Variants in SMYD3 observed in about 807,000 individuals in gnomAD.
SMYD3 encodes SET and MYND domain containing 3, also known as histone-lysine N-methyltransferase SMYD3.
A neutral mutation model predicts 57.7 loss-of-function variants in SMYD3; 36 were observed. The ratio of observed to expected loss-of-function variants is 0.62; its 90% CI spans 0.48 to 0.82. The LOEUF is 0.82. SMYD3 is among the 40% of genes least tolerant of loss of function. The pLI is 0.00. For missense variants in SMYD3, 515 were observed against 538.8 expected (o/e 0.96, Z 0.44); for synonymous variants, 211 against 195.0 (o/e 1.08, Z -0.68).
intron 1 of SMYD3, among the ~76,000 whole-genome samples, chr1:246,454,339 G>A (rs916861186): frequency 6.6e-6 from 1 of 152,064 alleles, no homozygotes; most frequent in Non-Finnish European, 1.5e-5. Flanking sequence ...TAAAATGTGA[G>A]GTATGATTCC....
intron 5 of SMYD3, among the ~76,000 whole-genome samples, chr1:246,018,833 T>TGCTCAAGCAATCCTCCTGC (rs2059421972): frequency 6.6e-6 from 1 of 151,784 alleles, no homozygotes; most frequent in Admixed American, 6.6e-5. Context: ...CAAACTCCTG[T>TGCTCAAGCAATCCTCCTGC]GCTCAAGCAA....
At position 246,247,414 on chromosome 1, in the gene SMYD3, T is replaced by TTAAACC. The variant is rs1312887884; in HGVS notation, c.531+79786_531+79787insGGTTTA. 2.7e-5 allele frequency among the ~76,000 whole-genome samples: 4 copies of TTAAACC among 150,340 alleles called. No individual in the cohort carries two copies. The East Asian group carries it at 8.0e-4, about 30-fold the overall frequency. On this transcript the variant is annotated intron_variant, in intron 5 of 11. Transcript: ENST00000490107. ...AGACTACCAGGACAGATTTTGCCTC[T>TTAAACC]AGCACTGTGGTTTAAGAAAGAGAAG...
chr1:246,429,084 C>T (rs780445326), intron 1 of SMYD3, among the ~76,000 whole-genome samples: 12 of 145,670 alleles, frequency 8.2e-5, no homozygotes, highest in South Asian at 4.4e-4. Context: ...AACCAACCAC[C>T]GTAGACAGGG....
chr1:246,351,528 T>C (rs1175443057), intron 2 of SMYD3, among the ~76,000 whole-genome samples: 1 of 152,220 alleles, frequency 6.6e-6, no homozygotes, highest in Non-Finnish European at 1.5e-5. Context: ...TATGAAATTA[T>C]ATGATAGACA....
At chr1:246,051,455 G>A (rs1185736617) in intron 5 of SMYD3, among the ~76,000 whole-genome samples, 3 of 151,928 alleles carry the variant, frequency 2.0e-5, no homozygotes, top group African/African-American at 7.2e-5. Context: ...ACAGACTAGG[G>A]AGTAACACAG....
At chr1:246,356,456 T>A (rs2065911707) in intron 1 of SMYD3, among the ~76,000 whole-genome samples, 1 of 151,992 alleles carries the variant, frequency 6.6e-6, no homozygotes, top group Admixed American at 6.6e-5. Context: ...ATATCCGGAT[T>A]GCAAGAAAAA....
chr1:246,478,138 C>T (rs143915342), intron 1 of SMYD3, among the ~76,000 whole-genome samples: 87 of 152,246 alleles, frequency 5.7e-4, no homozygotes, highest in East Asian at 5.6e-3. Flanking sequence ...CATTATGACA[C>T]GATCAAGACT....
chr1:246,413,873 T>C (rs940669438), intron 1 of SMYD3, among the ~76,000 whole-genome samples: 2 of 152,230 alleles, frequency 1.3e-5, no homozygotes, highest in Admixed American at 6.5e-5. Flanking sequence ...AGCAGCCTAA[T>C]ACAATGCACT....
chr1:246,473,674 T>C (rs1332338960), intron 1 of SMYD3, among the ~76,000 whole-genome samples: 1 of 152,208 alleles, frequency 6.6e-6, no homozygotes, highest in Non-Finnish European at 1.5e-5. Context: ...GACATATTGT[T>C]ATTATTATGA....
At chr1:246,431,037 A>C (rs922649709) in intron 1 of SMYD3, among the ~76,000 whole-genome samples, 1 of 152,198 alleles carries the variant, frequency 6.6e-6, no homozygotes, top group Admixed American at 6.5e-5. Context: ...AAAGCAGTAC[A>C]CATGGACTAG....
At chr1:245,824,752 C>T (rs569537940) in intron 10 of SMYD3, among the ~76,000 whole-genome samples, 19 of 150,838 alleles carry the variant, frequency 1.3e-4, no homozygotes, top group African/African-American at 3.6e-4. Flanking sequence ...GCTACTTGGG[C>T]GGCTGAGGCG....
intron 2 of SMYD3, among the ~76,000 whole-genome samples, chr1:246,354,766 G>A (rs1418090308): frequency 6.6e-6 from 1 of 151,958 alleles, no homozygotes; most frequent in Non-Finnish European, 1.5e-5. Flanking sequence ...TTGAAGTCGG[G>A]GGGCAATAAG....
At chr1:246,339,912 A>C (rs1405188789) in intron 2 of SMYD3, among the ~76,000 whole-genome samples, 4 of 152,208 alleles carry the variant, frequency 2.6e-5, no homozygotes, top group Non-Finnish European at 5.9e-5. Flanking sequence ...GTAATCCCTC[A>C]ACCTTGGACT....
chr1:246,138,715 G>A (rs1191433610), intron 5 of SMYD3, among the ~76,000 whole-genome samples: 3 of 151,930 alleles, frequency 2.0e-5, no homozygotes, highest in African/African-American at 4.8e-5. Flanking sequence ...ATGAGTCACC[G>A]CGCCCAGCCA....
At chr1:246,463,555 C>T (rs6702840) in intron 1 of SMYD3, among the ~76,000 whole-genome samples, 68,325 of 151,166 alleles carry the variant, frequency 0.45, 15,847 homozygotes, top group Middle Eastern at 0.64. Flanking sequence ...CGGTGGCTCA[C>T]GCCTGTAATC....
intron 1 of SMYD3, among the ~76,000 whole-genome samples, chr1:246,501,323 A>G (rs2068452868): frequency 6.6e-6 from 1 of 152,192 alleles, no homozygotes. Flanking sequence ...CCTTTGCTGA[A>G]ACTATTCATG....
At chr1:245,838,526 T>C (rs2050215618) in intron 10 of SMYD3, among the ~76,000 whole-genome samples, 1 of 152,248 alleles carries the variant, frequency 6.6e-6, no homozygotes, top group Admixed American at 6.5e-5. Flanking sequence ...TGGGGACTCA[T>C]AATTTCTGCT....
chr1:246,166,396 A>G (rs2062212289), intron 5 of SMYD3, among the ~76,000 whole-genome samples: 1 of 152,190 alleles, frequency 6.6e-6, no homozygotes, highest in African/African-American at 2.4e-5. Flanking sequence ...TAGGAGGAGG[A>G]TAAGATCATG....
chr1:246,303,756 C>A (rs1267097471), intron 5 of SMYD3, among the ~76,000 whole-genome samples: 4 of 152,094 alleles, frequency 2.6e-5, no homozygotes, highest in East Asian at 1.9e-4. Context: ...TTATTGGATT[C>A]TATTTAAGTG....
Sources: gnomAD v4.1 joint callset for allele counts (sites outside exome capture counted in the v4.1 genomes callset) on GRCh38, gnomAD v4.1.1 for gene constraint, MANE v1.5 for transcripts, NCBI Gene and HGNC (gene_info 2026-07-23, HGNC 2026-07-21) for gene names.